Variants in MAP3K7CL observed in about 807,000 individuals in gnomAD.
MAP3K7CL encodes MAP3K7 C-terminal-like protein.
Under a neutral mutation model 18.6 loss-of-function variants are expected in MAP3K7CL, and 16 were observed. That is an observed-to-expected ratio of 0.86 (90% CI 0.58 to 1.31). MAP3K7CL has a LOEUF of 1.31. Ranked by LOEUF, MAP3K7CL falls within the 50% of genes most tolerant of loss-of-function variation. MAP3K7CL has a pLI of 0.00. For synonymous variants in MAP3K7CL, 65 were observed against 66.8 expected, an observed-to-expected ratio of 0.97 and a Z score of 0.13; for missense variants, 163 against 174.4, an observed-to-expected ratio of 0.93 and a Z score of 0.37.
rs752579811 is a variant in MAP3K7CL, at chr21:29,130,864, G to A, written c.-99G>A. On this transcript the variant is annotated 5_prime_UTR_variant, in exon 1 of 5. Transcript: ENST00000399928. Reference sequence around the variant, plus strand: ...TGAGTCTCTACTCCACAAAGGCAACGACTGGCCAAGGCAGTGGCTGGCTCT... The same window carrying A: ...TGAGTCTCTACTCCACAAAGGCAACAACTGGCCAAGGCAGTGGCTGGCTCT... The A allele has an allele frequency of 1.4e-5, 14 of 985,424 alleles. No homozygotes were observed. The highest frequency in any genetic ancestry group is 1.4e-4 in the South Asian group (3 of 21,296). The allele number at this position is 985,424 out of a possible 1,614,324, so 61.0% of individuals were successfully genotyped here. A position where few individuals can be genotyped will look rare whatever the true frequency, so the allele number is the denominator to read the frequency against.
intron 4 of MAP3K7CL, among the ~76,000 whole-genome samples, chr21:29,124,400 T>C (rs1204216986): frequency 1.3e-5 from 2 of 149,964 alleles, no homozygotes; most frequent in Non-Finnish European, 3.0e-5. Context: ...CACATTTAAT[T>C]AACTTTAAAT....
At chr21:29,100,955 G>A (rs1018064809) in intron 4 of MAP3K7CL, among the ~76,000 whole-genome samples, 24 of 150,138 alleles carry the variant, frequency 1.6e-4, no homozygotes, top group African/African-American at 4.4e-4. Context: ...CTCGTGATCC[G>A]CCCGCCTCGG....
intron 4 of MAP3K7CL, among the ~76,000 whole-genome samples, chr21:29,171,784 G>A (rs2087834573): frequency 7.2e-6 from 1 of 138,180 alleles, no homozygotes; most frequent in South Asian, 2.4e-4. Context: ...TCCAGTCTGG[G>A]TGACAGAGTG....
At chr21:29,108,228 T>C (rs1223314209) in intron 4 of MAP3K7CL, among the ~76,000 whole-genome samples, 5 of 152,138 alleles carry the variant, frequency 3.3e-5, no homozygotes, top group Non-Finnish European at 1.5e-5. Context: ...CTTAGTGTCC[T>C]TATAAGAAGA....
At chr21:29,090,500 C>T (rs949932820) in intron 1 of MAP3K7CL, among the ~76,000 whole-genome samples, 2 of 152,070 alleles carry the variant, frequency 1.3e-5, no homozygotes, top group African/African-American at 4.8e-5. Flanking sequence ...CCTGCCTCAG[C>T]CTCCCGAGTA....
At position 29,124,011 on chromosome 21, in the gene MAP3K7CL, T is replaced by TA. The variant is rs538023453; in HGVS notation, c.371-25175dup. The stretch of plus-strand genomic sequence containing the variant: ...TATTTTCTCATACAGTCAAAAATAT[T>TA]AAAGGAAATTTATTCTTTCTCCAAG... On this transcript the variant is annotated intron_variant, in intron 4 of 6. Transcript: ENST00000286791. Among the ~76,000 whole-genome samples, 37 of 152,274 alleles carry TA rather than the reference T, an allele frequency of 2.4e-4. No individual in the cohort carries two copies. The East Asian group carries it at 6.9e-3, about 29-fold the overall frequency.
At chr21:29,138,607 G>A (rs990122696) in intron 2 of MAP3K7CL, among the ~76,000 whole-genome samples, 1 of 152,152 alleles carries the variant, frequency 6.6e-6, no homozygotes, top group Non-Finnish European at 1.5e-5. Flanking sequence ...GCATTTTTTA[G>A]AATAGTTTTT....
intron 4 of MAP3K7CL, chr21:29,109,584 A>T (rs2086384301): frequency 9.9e-7 from 1 of 1,011,894 alleles, no homozygotes; most frequent in African/African-American, 1.7e-5. Flanking sequence ...TAAACTGCAC[A>T]TTTAATGTAA....
At chr21:29,154,470 G>A (rs1309823558) in intron 3 of MAP3K7CL, among the ~76,000 whole-genome samples, 1 of 151,748 alleles carries the variant, frequency 6.6e-6, no homozygotes, top group East Asian at 1.9e-4. Flanking sequence ...AGATGACAGT[G>A]ACAGGTGTCT....
intron 4 of MAP3K7CL, among the ~76,000 whole-genome samples, chr21:29,113,428 C>G (rs2086453133): frequency 6.6e-6 from 1 of 152,144 alleles, no homozygotes; most frequent in Non-Finnish European, 1.5e-5. Context: ...GAGGCCTTCC[C>G]CCATCTCTCT....
At chr21:29,123,200 T>A (rs2086627386) in intron 4 of MAP3K7CL, among the ~76,000 whole-genome samples, 1 of 151,826 alleles carries the variant, frequency 6.6e-6, no homozygotes, top group African/African-American at 2.4e-5. Context: ...GCAGCTGGGA[T>A]TACAGGTGCC....
chr21:29,082,722 G>A (rs187019657), upstream of MAP3K7CL, among the ~76,000 whole-genome samples: 76 of 152,296 alleles, frequency 5.0e-4, 1 homozygote, highest in South Asian at 6.2e-4. Context: ...ATGGAGGCAC[G>A]TAAGTTGAGG....
intron 1 of MAP3K7CL, among the ~76,000 whole-genome samples, chr21:29,090,261 A>T (rs920527877): frequency 1.3e-5 from 2 of 152,210 alleles, no homozygotes; most frequent in African/African-American, 4.8e-5. Flanking sequence ...ATTAAAAGAG[A>T]TTATTCAATG....
intron 3 of MAP3K7CL, 118 bp from the exon 4 acceptor site, chr21:29,159,823 G>C: frequency 1.6e-6 from 1 of 618,226 alleles, no homozygotes. Context: ...CTGTTCTCAC[G>C]TTAAAAAAAA....
At chr21:29,120,601 T>G (rs1054226285) in intron 4 of MAP3K7CL, among the ~76,000 whole-genome samples, 2 of 152,222 alleles carry the variant, frequency 1.3e-5, no homozygotes, top group African/African-American at 4.8e-5. Context: ...GAATATTTCA[T>G]GGGATTTCGA....
chr21:29,133,484 C>T (rs761561407), intron 2 of MAP3K7CL, 70 bp downstream of exon 2: 13 of 1,194,880 alleles, frequency 1.1e-5, no homozygotes, highest in Non-Finnish European at 1.3e-5. Flanking sequence ...TCTAATGCCA[C>T]GCCTCTGTGG....
chr21:29,114,361 G>A (rs892540175), intron 4 of MAP3K7CL, among the ~76,000 whole-genome samples: 1 of 148,820 alleles, frequency 6.7e-6, no homozygotes, highest in Admixed American at 6.7e-5. Flanking sequence ...GTGCCACCAT[G>A]CCAGGCCTTA....
intron 4 of MAP3K7CL, among the ~76,000 whole-genome samples, chr21:29,172,621 G>A (rs536376996): frequency 1.3e-5 from 2 of 152,154 alleles, no homozygotes; most frequent in East Asian, 3.9e-4. Flanking sequence ...CCATATTTGG[G>A]TATGCTTTAT....
chr21:29,078,467 C>T (rs974305274), intron 1 of MAP3K7CL, among the ~76,000 whole-genome samples: 1 of 152,096 alleles, frequency 6.6e-6, no homozygotes, highest in South Asian at 2.1e-4. Context: ...TTCAGAGTCT[C>T]GCTGGACTAC....
Sources: allele counts gnomAD v4.1 joint callset (sites outside exome capture counted in the v4.1 genomes callset), GRCh38; gene constraint gnomAD v4.1.1; transcripts MANE v1.5; gene names NCBI Gene and HGNC (gene_info 2026-07-23, HGNC 2026-07-21).